The following DEPDC5 variants were observed in gnomAD, a reference collection of about 807,000 sequenced individuals.
The protein encoded by DEPDC5 is DEP domain containing 5, GATOR1 subcomplex subunit, also known as GATOR1 complex protein DEPDC5.
Under a neutral mutation model 217.3 loss-of-function variants are expected in DEPDC5, and 73 were observed. That is an observed-to-expected ratio of 0.34 (90% CI 0.28 to 0.41). The LOEUF (loss-of-function observed/expected upper bound fraction) is 0.41, where lower values mean the gene tolerates loss of function less well. Ranked by LOEUF, DEPDC5 falls within the 10% of genes least tolerant of loss-of-function variation. DEPDC5 has a pLI of 1.00. For missense variants in DEPDC5, 1,675 were observed against 2,070.1 expected (o/e 0.81, Z 3.70); for synonymous variants, 733 against 756.7 (o/e 0.97, Z 0.51).
chr22:31,780,168 C>A (rs2084279595), intron 8 of DEPDC5, among the ~76,000 whole-genome samples: 1 of 152,126 alleles, frequency 6.6e-6, no homozygotes, highest in Non-Finnish European at 1.5e-5. Context: ...AGGAGGCCCG[C>A]TATAGTCTAG....
chr22:31,792,423 TG>T (rs1377089738), intron 11 of DEPDC5, among the ~76,000 whole-genome samples: 8 of 151,706 alleles, frequency 5.3e-5, no homozygotes, highest in Non-Finnish European at 1.2e-4. Context: ...CTGGCCAACA[TG>T]GTGAAACCCC....
intron 8 of DEPDC5, among the ~76,000 whole-genome samples, chr22:31,779,300 C>T (rs76551751): frequency 0.012 from 1,753 of 152,230 alleles, 34 homozygotes; most frequent in African/African-American, 0.039. Context: ...TATGTTTGTG[C>T]GTGTGTGTAT....
intron 37 of DEPDC5, among the ~76,000 whole-genome samples, chr22:31,877,954 G>A (rs1456946300): frequency 2.0e-5 from 3 of 151,866 alleles, no homozygotes; most frequent in Non-Finnish European, 4.4e-5. Context: ...TTGGGAGGCC[G>A]AGGTGGGTGG....
At chr22:31,875,465 A>G (rs1263534875) in intron 36 of DEPDC5, 1 of 152,204 alleles carries the variant, frequency 6.6e-6, no homozygotes, top group Non-Finnish European at 1.5e-5. Flanking sequence ...TTATATAATA[A>G]AATTATTTAA....
intron 17 of DEPDC5, 146 bp from the exon 18 acceptor site, chr22:31,805,976 T>A (rs1185868625): frequency 4.5e-6 from 3 of 672,690 alleles, no homozygotes; most frequent in African/African-American, 1.8e-5. Context: ...TGAATTCTTG[T>A]AAAAGAAGTT....
chr22:31,824,975 CAAAA>C (rs1180812774), intron 24 of DEPDC5, among the ~76,000 whole-genome samples: 1 of 74,960 alleles, frequency 1.3e-5, no homozygotes. Flanking sequence ...GACTCCGTCT[CAAAA>C]AAAAAAAAAA....
chr22:31,790,348 T>A (rs967020041), intron 10 of DEPDC5, among the ~76,000 whole-genome samples: 5 of 152,196 alleles, frequency 3.3e-5, no homozygotes, highest in Non-Finnish European at 5.9e-5. Context: ...GAACTGAAAC[T>A]GCGCTTGCTA....
chr22:31,833,161 T>A (rs563454303), intron 24 of DEPDC5, among the ~76,000 whole-genome samples: 1 of 152,362 alleles, frequency 6.6e-6, no homozygotes, highest in African/African-American at 2.4e-5. Flanking sequence ...CTCCTGGCCT[T>A]GTGAGCTACC....
chr22:31,892,732 C>G (rs1047200334), intron 38 of DEPDC5, among the ~76,000 whole-genome samples: 1 of 151,926 alleles, frequency 6.6e-6, no homozygotes, highest in Non-Finnish European at 1.5e-5. Flanking sequence ...CCTCCACCCC[C>G]ACAACCTGCT....
At chr22:31,815,331 C>A in intron 21 of DEPDC5, 119 bp downstream of exon 21, 1 of 1,031,730 alleles carries the variant, frequency 9.7e-7, no homozygotes, top group Non-Finnish European at 1.5e-6. Flanking sequence ...GATTTCTTTG[C>A]CAGTGCAGTA....
chr22:31,754,992 T>C lies in DEPDC5; in HGVS notation c.58+13T>C. 1 of 1,614,190 alleles carries C rather than the reference T, an allele frequency of 6.2e-7. No homozygotes were observed. The highest frequency in any genetic ancestry group is 1.6e-4 in the Middle Eastern group (1 of 6,062). On this transcript the variant is annotated intron_variant, in intron 2 of 42. Coordinates refer to ENST00000651528, the MANE Select transcript of DEPDC5 (RefSeq NM_001242896.3). ...TTTGGGGGCAGTGGTCAGTATCGAT[T>C]GGTCTTTAGAGGTTTTGTAAGTTGG...
chr22:31,874,202 C>G, intron 35 of DEPDC5, 71 bp from the exon 36 acceptor site: 2 of 1,533,878 alleles, frequency 1.3e-6, no homozygotes. Flanking sequence ...CCTTCTTTTT[C>G]ATCTTTCCTT....
chr22:31,768,768 C>T, intron 6 of DEPDC5, 46 bp from the exon 7 acceptor site: 2 of 1,495,310 alleles, frequency 1.3e-6, no homozygotes, highest in Non-Finnish European at 1.9e-6. Context: ...TTCTCACCCT[C>T]TCTCCCTCCC....
intron 38 of DEPDC5, among the ~76,000 whole-genome samples, chr22:31,892,543 G>C (rs2093459570): frequency 6.6e-6 from 1 of 152,176 alleles, no homozygotes; most frequent in Non-Finnish European, 1.5e-5. Flanking sequence ...AATTAGCCGG[G>C]TGTGGTGGCG....
At chr22:31,866,545 C>G (rs749323046) in intron 33 of DEPDC5, among the ~76,000 whole-genome samples, 2 of 152,142 alleles carry the variant, frequency 1.3e-5, no homozygotes, top group East Asian at 3.9e-4. Context: ...GCTGCCATGC[C>G]CAGCTAATCT....
At chr22:31,893,028 A>G (rs1024546771) in intron 38 of DEPDC5, among the ~76,000 whole-genome samples, 2 of 152,012 alleles carry the variant, frequency 1.3e-5, no homozygotes, top group Admixed American at 6.6e-5. Flanking sequence ...GGTGTGCACC[A>G]CCACACCCAG....
At chr22:31,809,673 C>T (rs774673039) in intron 19 of DEPDC5, 26 bp downstream of exon 19, 1 of 1,612,874 alleles carries the variant, frequency 6.2e-7, no homozygotes, top group South Asian at 1.1e-5. Flanking sequence ...GATTTTTTTT[C>T]TTGCTTTTAA....
At chr22:31,833,838 C>A in intron 24 of DEPDC5, 77 bp from the exon 25 acceptor site, 1 of 1,317,962 alleles carries the variant, frequency 7.6e-7, no homozygotes, top group Non-Finnish European at 1.0e-6. Flanking sequence ...TCCAGTTTGC[C>A]TTTTTCAACC....
chr22:31,891,095 C>G (rs994281660), intron 38 of DEPDC5: 2 of 360,232 alleles, frequency 5.6e-6, no homozygotes, highest in Admixed American at 7.9e-5. Flanking sequence ...CACAGAACAA[C>G]ACAATCTAGG....
Sources: allele counts gnomAD v4.1 joint callset (sites outside exome capture counted in the v4.1 genomes callset), GRCh38; gene constraint gnomAD v4.1.1; transcripts MANE v1.5; gene names NCBI Gene and HGNC (gene_info 2026-07-23, HGNC 2026-07-21).